Variants in MPHOSPH8 observed in about 807,000 individuals in gnomAD.
MPHOSPH8 encodes M-phase phosphoprotein, mpp.
MPHOSPH8 carries 45 observed loss-of-function variants against 87.3 expected under a neutral mutation model. The observed-to-expected ratio is 0.52, with a 90% CI of 0.41 to 0.66. The LOEUF (loss-of-function observed/expected upper bound fraction) is 0.66. Among genes scored for constraint, MPHOSPH8 ranks in the 30% least tolerant of loss-of-function variants. The pLI is 0.00. For synonymous variants in MPHOSPH8, 366 were observed against 376.9 expected (o/e 0.97, Z 0.33); for missense variants, 883 against 1,020.2 (o/e 0.87, Z 1.83).
intron 9 of MPHOSPH8, among the ~76,000 whole-genome samples, chr13:19,665,893 C>T (rs775550520): frequency 1.3e-5 from 2 of 152,184 alleles, no homozygotes; most frequent in Non-Finnish European, 2.9e-5. Context: ...GGTTCAGATT[C>T]GGATCTGTGC....
At chr13:19,658,713 T>G (rs1875342609) in intron 5 of MPHOSPH8, among the ~76,000 whole-genome samples, 1 of 152,222 alleles carries the variant, frequency 6.6e-6, no homozygotes, top group Non-Finnish European at 1.5e-5. Context: ...CTCCTTCCTT[T>G]GAGCTACTTA....
intron 12 of MPHOSPH8, 130 bp downstream of exon 12, chr13:19,670,493 GAATGAGGC>G: frequency 9.0e-7 from 1 of 1,115,408 alleles, no homozygotes; most frequent in Non-Finnish European, 1.2e-6. Flanking sequence ...TAGTGGTTGG[GAATGAGGC>G]AATACCCATA....
chr13:19,637,991 C>T (rs1258106958), intron 1 of MPHOSPH8, among the ~76,000 whole-genome samples: 1 of 151,360 alleles, frequency 6.6e-6, no homozygotes, highest in Admixed American at 6.6e-5. Context: ...GTCCCAGCTA[C>T]TCGGGAGGCT....
chr13:19,643,868 C>G (rs1874431955), intron 2 of MPHOSPH8, among the ~76,000 whole-genome samples: 1 of 152,140 alleles, frequency 6.6e-6, no homozygotes, highest in African/African-American at 2.4e-5. Flanking sequence ...CCTGTCACCA[C>G]AGTGTCACCA....
At chr13:19,637,614 C>T (rs577421117) in intron 1 of MPHOSPH8, among the ~76,000 whole-genome samples, 2 of 151,870 alleles carry the variant, frequency 1.3e-5, no homozygotes, top group East Asian at 1.9e-4. Flanking sequence ...CATGAGCCAC[C>T]GCTCCTGGCT....
Position 19,646,758 on chromosome 13 carries a change from A to C in MPHOSPH8, c.685A>C (p.Lys229Gln). 2 of 1,581,922 alleles carry C rather than the reference A, an allele frequency of 1.3e-6. No individual in the cohort carries two copies. Among genetic ancestry groups the C allele is most frequent in the African/African-American group, 2.7e-5 (2 of 72,884 alleles). The change falls in exon 3 of 14, where the codon AAA becomes CAA. Residue 229 changes from lysine (K) to glutamine (Q), a missense_variant. Coordinates refer to ENST00000361479, the MANE Select transcript of MPHOSPH8 (RefSeq NM_017520.4). ...DEVKETKELK[K>Q]VKKGEIRDLK... ...AGTAAAAGAAACAAAAGAATTAAAG[A>C]AAGTTAAAAAGGGTGAAATAAGAGA...
At chr13:19,657,098 G>A (rs930354652) in intron 5 of MPHOSPH8, among the ~76,000 whole-genome samples, 1 of 125,880 alleles carries the variant, frequency 7.9e-6, no homozygotes, top group African/African-American at 3.2e-5. Context: ...CTCCAGCCTG[G>A]GCAACAGCAC....
Position 19,656,910 on chromosome 13 carries a change from T to TC in MPHOSPH8, c.1577-2084dup, listed in dbSNP as rs750049175. ...ACTGTGGAGGGTGGATCACTTGAGG[T>TC]CAGGAGTTCGAGGCCAGCCTGGCCA... is the stretch of plus-strand genomic sequence containing the variant. On this transcript the variant is annotated intron_variant, in intron 5 of 13. Transcript: ENST00000361479. 2.0e-4 allele frequency among the ~76,000 whole-genome samples: 29 copies of TC among 147,846 alleles called. 1 individual carries two copies. The highest frequency in any genetic ancestry group is 4.8e-4 in the African/African-American group (19 of 39,936).
chr13:19,663,047 T>A lies in MPHOSPH8; in HGVS notation c.1940T>A (p.Leu647Ter). Residue 647 changes from leucine (L) to a stop codon, truncating the protein, a stop_gained, in exon 9 of 14, where the codon TTA (leucine) becomes TAA (stop). Coordinates refer to ENST00000361479, the MANE Select transcript of MPHOSPH8 (RefSeq NM_017520.4). LOFTEE classifies it high-confidence loss of function. ...CTTTTTTTCTTTTCATAGAACTTTT[T>A]AACAACAGTGGCTATTCTTTTGGAA... The part of the protein sequence containing the change: ...ALIHAAEKNF[L>*]TTVAILLEAG... The A allele has an allele frequency of 6.2e-7, 1 of 1,612,208 alleles. No homozygotes were observed. The highest frequency in any genetic ancestry group is 8.5e-7 in the Non-Finnish European group (1 of 1,178,378).
intron 3 of MPHOSPH8, 66 bp from the exon 4 acceptor site, chr13:19,648,356 T>C: frequency 9.8e-7 from 1 of 1,022,098 alleles, no homozygotes; most frequent in East Asian, 2.9e-5. Context: ...TATTTTCCGG[T>C]TCTCAAATAA....
At chr13:19,644,967 T>TA (rs869031350) in intron 2 of MPHOSPH8, among the ~76,000 whole-genome samples, 1 of 151,812 alleles carries the variant, frequency 6.6e-6, no homozygotes, top group African/African-American at 2.4e-5. Context: ...CCTGGCTAAT[T>TA]AAAAAAAAAT....
At chr13:19,657,099 GC>G (rs1276286028) in intron 5 of MPHOSPH8, among the ~76,000 whole-genome samples, 14 of 105,046 alleles carry the variant, frequency 1.3e-4, no homozygotes, top group East Asian at 9.7e-4. Flanking sequence ...TCCAGCCTGG[GC>G]AACAGCACAA....
chr13:19,671,713 A>G lies in MPHOSPH8; in HGVS notation c.2542-121A>G, dbSNP rs1476924278. The G allele has an allele frequency of 3.6e-6, 3 of 825,752 alleles. No individual in the cohort carries two copies. The East Asian group carries it at 7.3e-5, about 20-fold the overall frequency. The allele number at this position is 825,752 out of a possible 1,614,324, so 51.2% of individuals were successfully genotyped here. A position where few individuals can be genotyped will look rare whatever the true frequency, so the allele number is the denominator to read the frequency against. ...GGCAATGATCTAACAATGTAAATTG[A>G]TAAGCAACTTGAAAATATTGCCAAA... On this transcript the variant is annotated intron_variant, in intron 13 of 13. Coordinates refer to ENST00000361479, the MANE Select transcript of MPHOSPH8 (RefSeq NM_017520.4).
rs1256426023 is a variant in MPHOSPH8 at position 19,672,487 on chromosome 13, A to ACTT, written c.*615_*617dup. 4 of 148,030 alleles carry ACTT rather than the reference A, an allele frequency of 2.7e-5. No homozygotes were observed. The highest frequency in any genetic ancestry group is 1.0e-4 in the African/African-American group (4 of 38,840). 9.2% of individuals were successfully genotyped at this position (148,030 alleles called of 1,614,324 possible). ...TGAAATTTTCTACTAGCCCTGGTGA[A>ACTT]CTTCTGTGCTTAAAAAAAAAAAAAA... On this transcript the variant is annotated 3_prime_UTR_variant, in exon 14 of 14. Transcript: ENST00000361479.
chr13:19,664,733 C>T (rs376505432), intron 9 of MPHOSPH8, among the ~76,000 whole-genome samples: 8 of 151,978 alleles, frequency 5.3e-5, no homozygotes, highest in East Asian at 1.9e-4. Flanking sequence ...AGTTGGGGCA[C>T]GGCTGGCAGA....
chr13:19,659,821 C>A, intron 7 of MPHOSPH8: 1 of 244,902 alleles, frequency 4.1e-6, no homozygotes, highest in Non-Finnish European at 8.5e-6. Flanking sequence ...GTGGTTTACC[C>A]TCTGCCACTC....
In MPHOSPH8 at chr13:19,647,084, G is replaced by A; in HGVS notation, c.1011G>A (p.Lys337=). ...RGRRKKKTPR[K]AEDTRENRKL... The stretch of plus-strand genomic sequence containing the variant: ...GGAGGAAAAAGAAGACCCCGAGAAA[G>A]GCTGAGGACACTAGAGAGAACAGGA... Residue 337 remains lysine, a synonymous_variant, in exon 3 of 14, where the codon AAG becomes AAA. Transcript: ENST00000361479. The A allele has an allele frequency of 6.2e-7, 1 of 1,609,166 alleles. No individual in the cohort carries two copies. Among genetic ancestry groups the A allele is most frequent in the Non-Finnish European group, 8.5e-7 (1 of 1,178,868 alleles).
At chr13:19,648,562 CTT>C in intron 4 of MPHOSPH8, 41 bp downstream of exon 4, 1 of 978,150 alleles carries the variant, frequency 1.0e-6, no homozygotes, top group Non-Finnish European at 1.4e-6. Context: ...ACGTTGCTAT[CTT>C]TTATACAAAT....
At chr13:19,649,907 AAT>A in intron 4 of MPHOSPH8, 94 bp from the exon 5 acceptor site, 1 of 1,107,984 alleles carries the variant, frequency 9.0e-7, no homozygotes, top group Non-Finnish European at 1.3e-6. Context: ...AAATTAAGAA[AAT>A]ATCTTGTTGC....
Sources: gnomAD v4.1 joint callset for allele counts (sites outside exome capture counted in the v4.1 genomes callset) on GRCh38, gnomAD v4.1.1 for gene constraint, MANE v1.5 for transcripts, NCBI Gene and HGNC (gene_info 2026-07-23, HGNC 2026-07-21) for gene names.